DTD1: variants seen among roughly 807,000 people sequenced by gnomAD.
DTD1 encodes the protein D-aminoacyl-tRNA deacylase 1, also known as D-tyrosyl-tRNA deacylase 1 homolog.
A neutral mutation model predicts 25.6 loss-of-function variants in DTD1; 13 were observed. The ratio of observed to expected loss-of-function variants is 0.51; its 90% CI spans 0.33 to 0.81. DTD1 has a LOEUF of 0.81. DTD1 is among the 30% of genes least tolerant of loss of function. The probability of loss-of-function intolerance (pLI) is 0.02; values close to 1 mark genes in which losing one functional copy is unlikely to be tolerated. For synonymous variants in DTD1, 110 were observed against 103.6 expected, an observed-to-expected ratio of 1.06 and a Z score of -0.37; for missense variants, 193 against 266.4, an observed-to-expected ratio of 0.72 and a Z score of 1.92.
intron 4 of DTD1, among the ~76,000 whole-genome samples, chr20:18,642,456 A>G (rs892704119): frequency 1.4e-4 from 21 of 151,912 alleles, no homozygotes; most frequent in African/African-American, 4.4e-4. Context: ...TATCATAGAG[A>G]CAGGGTCTTG....
chr20:18,704,447 G>GT (rs929633555), intron 4 of DTD1, among the ~76,000 whole-genome samples: 7 of 152,146 alleles, frequency 4.6e-5, no homozygotes, highest in African/African-American at 1.7e-4. Context: ...GTTCAAAAGG[G>GT]TGTGTGCAAG....
intron 4 of DTD1, among the ~76,000 whole-genome samples, chr20:18,708,273 A>C (rs1164176237): frequency 1.2e-4 from 2 of 16,570 alleles, no homozygotes; most frequent in African/African-American, 1.7e-4. Flanking sequence ...TTTTATATAT[A>C]TATAATATAT....
intron 4 of DTD1, among the ~76,000 whole-genome samples, chr20:18,638,639 C>T (rs1249621206): frequency 2.6e-5 from 4 of 152,158 alleles, no homozygotes; most frequent in Non-Finnish European, 5.9e-5. Flanking sequence ...GAGGCCAGAG[C>T]TGTGACCTGG....
intron 4 of DTD1, among the ~76,000 whole-genome samples, chr20:18,703,414 C>T (rs2061113307): frequency 6.6e-6 from 1 of 151,990 alleles, no homozygotes; most frequent in South Asian, 2.1e-4. Context: ...ATTCCCTTGC[C>T]TTTTCTTTAG....
At position 18,632,415 on chromosome 20, in the gene DTD1, C is replaced by T. The variant is rs544053130; in HGVS notation, c.477+4182C>T. The T allele has an allele frequency of 9.1e-5, 90 of 985,470 alleles. No individual in the cohort carries two copies. The East Asian group carries it at 1.6e-3, about 17-fold the overall frequency. The allele number at this position is 985,470 out of a possible 1,614,324, so 61.0% of individuals were successfully genotyped here. A position where few individuals can be genotyped will look rare whatever the true frequency, so the allele number is the denominator to read the frequency against. ...AGGTGGCGGTGGGTAGGCGCAGAAG[C>T]GGCCTGTGTTAGGTTGGTGCTGGCC... On this transcript the variant is annotated intron_variant, in intron 4 of 5. Coordinates refer to ENST00000377452, the MANE Select transcript of DTD1 (RefSeq NM_080820.6).
At chr20:18,634,411 A>G (rs922485354) in intron 4 of DTD1, among the ~76,000 whole-genome samples, 2 of 152,216 alleles carry the variant, frequency 1.3e-5, no homozygotes, top group Admixed American at 1.3e-4. Flanking sequence ...TCATTTATTT[A>G]GTGCCATCGA....
At chr20:18,690,169 T>G (rs1300911243) in intron 4 of DTD1, among the ~76,000 whole-genome samples, 1 of 144,554 alleles carries the variant, frequency 6.9e-6, no homozygotes, top group Non-Finnish European at 1.5e-5. Context: ...AAAATAATTT[T>G]ACCCATGTAA....
chr20:18,721,849 C>T (rs1265545726), intron 4 of DTD1, among the ~76,000 whole-genome samples: 1 of 144,790 alleles, frequency 6.9e-6, no homozygotes, highest in Non-Finnish European at 1.6e-5. Context: ...AGTGGCATTC[C>T]TCCTTCAGCT....
chr20:18,599,617 G>A (rs893176222), intron 3 of DTD1, among the ~76,000 whole-genome samples: 6 of 152,216 alleles, frequency 3.9e-5, no homozygotes, highest in Admixed American at 3.3e-4. Context: ...AAAGTGGCTG[G>A]ATCATTTTGC....
intron 5 of DTD1, among the ~76,000 whole-genome samples, chr20:18,760,733 G>T (rs1273186347): frequency 2.0e-5 from 3 of 152,224 alleles, no homozygotes; most frequent in Non-Finnish European, 4.4e-5. Flanking sequence ...CAAGCTGCAT[G>T]CTGGGAGAAC....
chr20:18,612,975 C>T (rs916437883), intron 3 of DTD1, among the ~76,000 whole-genome samples: 2 of 152,076 alleles, frequency 1.3e-5, no homozygotes, highest in African/African-American at 4.8e-5. Context: ...TGTTATTTTT[C>T]TGTATTTATT....
intron 3 of DTD1, among the ~76,000 whole-genome samples, chr20:18,613,591 C>T (rs986766662): frequency 3.9e-5 from 6 of 152,212 alleles, no homozygotes; most frequent in African/African-American, 1.2e-4. Flanking sequence ...AAACCCACCT[C>T]TGCTGAGATA....
intron 4 of DTD1, among the ~76,000 whole-genome samples, chr20:18,675,822 ATGTAAATATACC>A (rs1568665481): frequency 2.4e-3 from 5 of 2,126 alleles, no homozygotes; most frequent in African/African-American, 3.7e-3. Flanking sequence ...ACACACATAT[ATGTAAATATACC>A]TATGTGTATA....
At chr20:18,708,792 A>G (rs940793399) in intron 4 of DTD1, among the ~76,000 whole-genome samples, 2 of 152,094 alleles carry the variant, frequency 1.3e-5, no homozygotes, top group Non-Finnish European at 2.9e-5. Flanking sequence ...AATCTTTTCT[A>G]GCGCTGTTGT....
At chr20:18,639,885 G>C (rs2060821918) in intron 4 of DTD1, among the ~76,000 whole-genome samples, 1 of 152,114 alleles carries the variant, frequency 6.6e-6, no homozygotes, top group Admixed American at 6.5e-5. Context: ...CCCCCGGGCA[G>C]TGGCTCTGTT....
At position 18,764,537 on chromosome 20, in the gene DTD1, A is replaced by G. The variant is rs968778459; in HGVS notation, c.*1197A>G. The G allele has an allele frequency of 3.3e-5, 5 of 152,254 alleles. No homozygotes were observed. Among genetic ancestry groups the G allele is most frequent in the South Asian group, 2.1e-4 (1 of 4,834 alleles). The allele number at this position is 152,254 out of a possible 1,614,324, so 9.4% of individuals were successfully genotyped here. A position where few individuals can be genotyped will look rare whatever the true frequency, so the allele number is the denominator to read the frequency against. ...TGAAACTCTGTCTTCTGTGACCTCT[A>G]TAATAACTTCTGAATCCATCTAGTC... On this transcript the variant is annotated 3_prime_UTR_variant, in exon 6 of 6. Coordinates refer to ENST00000377452, the MANE Select transcript of DTD1 (RefSeq NM_080820.6).
chr20:18,745,690 A>G (rs2061297384), intron 5 of DTD1, among the ~76,000 whole-genome samples: 1 of 152,168 alleles, frequency 6.6e-6, no homozygotes, highest in African/African-American at 2.4e-5. Context: ...GAGGAATTGC[A>G]GAAGGGTGGG....
intron 4 of DTD1, among the ~76,000 whole-genome samples, chr20:18,656,527 C>G (rs2060892333): frequency 6.6e-6 from 1 of 152,214 alleles, no homozygotes; most frequent in African/African-American, 2.4e-5. Flanking sequence ...ATCACCTCTG[C>G]TCATGTTCCC....
At chr20:18,611,449 A>G (rs776844689) in intron 3 of DTD1, among the ~76,000 whole-genome samples, 6 of 152,178 alleles carry the variant, frequency 3.9e-5, no homozygotes, top group Non-Finnish European at 7.3e-5. Context: ...TTTTAAGACC[A>G]CTTCAGCAAC....
Sources: allele counts gnomAD v4.1 joint callset (sites outside exome capture counted in the v4.1 genomes callset), GRCh38; gene constraint gnomAD v4.1.1; transcripts MANE v1.5; gene names NCBI Gene and HGNC (gene_info 2026-07-23, HGNC 2026-07-21).